The following OPA1 variants were observed in gnomAD, a reference collection of about 807,000 sequenced individuals.
OPA1 encodes OPA1 mitochondrial dynamin like GTPase.
In OPA1, 59 loss-of-function variants were observed where a neutral mutation model predicts 152.9. That is an observed-to-expected ratio of 0.39 (90% confidence interval 0.31 to 0.48). The LOEUF (loss-of-function observed/expected upper bound fraction) is 0.48. Among genes scored for constraint, OPA1 ranks in the 20% least tolerant of loss-of-function variants. OPA1 has a pLI of 0.96. For synonymous variants in OPA1, 400 were observed against 389.9 expected (o/e 1.03, Z -0.31); for missense variants, 1,008 against 1,216.8 (o/e 0.83, Z 2.55).
At chr3:193,648,010 T>C (rs1211300260) in intron 19 of OPA1, 60 bp from the exon 20 acceptor site, 1 of 1,221,564 alleles carries the variant, frequency 8.2e-7, no homozygotes, top group Non-Finnish European at 1.2e-6. Context: ...TTAACCACTT[T>C]AACCACTACA....
intron 20 of OPA1, 87 bp downstream of exon 20, chr3:193,648,221 A>G (rs775920329): frequency 1.2e-4 from 125 of 1,007,276 alleles, no homozygotes; most frequent in Non-Finnish European, 1.5e-4. Flanking sequence ...AAAATCTGAT[A>G]AGCTAAAGTA....
rs550957067 is a variant in OPA1 at position 193,638,791 on chromosome 3, C to T, written c.1149+726C>T. Among the ~76,000 whole-genome samples the T allele has an allele frequency of 6.6e-5, 10 of 152,182 alleles. No homozygotes were observed. The South Asian group carries it at 1.5e-3, about 22-fold the overall frequency. Reference sequence around the variant, plus strand: ...TACTATATTTTGTAAATGGACGTACCGCTACTAAAAACAGAATGCTTGAAA... The same window carrying T: ...TACTATATTTTGTAAATGGACGTACTGCTACTAAAAACAGAATGCTTGAAA... On this transcript the variant is annotated intron_variant, in intron 11 of 30. Coordinates refer to ENST00000361510, the MANE Select transcript of OPA1 (RefSeq NM_130837.3).
At chr3:193,601,021 A>G (rs1726375326) in intron 1 of OPA1, among the ~76,000 whole-genome samples, 1 of 152,184 alleles carries the variant, frequency 6.6e-6, no homozygotes, top group Admixed American at 6.5e-5. Flanking sequence ...GCTTGAGCAA[A>G]AAGAAGATCT....
chr3:193,665,272 A>G (rs113034867), intron 27 of OPA1, among the ~76,000 whole-genome samples: 2 of 151,396 alleles, frequency 1.3e-5, no homozygotes, highest in East Asian at 3.9e-4. Context: ...AAATAAATAA[A>G]TAACAGGAAA....
intron 1 of OPA1, among the ~76,000 whole-genome samples, chr3:193,602,611 A>G (rs1299210167): frequency 6.6e-6 from 1 of 152,228 alleles, no homozygotes; most frequent in African/African-American, 2.4e-5. Context: ...TCTGATTGCC[A>G]TTAAAACCAA....
rs1399946720 is a variant in OPA1 at position 193,645,772 on chromosome 3, G to A, written c.1726G>A (p.Glu576Lys). The A allele has an allele frequency of 1.2e-6, 2 of 1,613,302 alleles. No individual in the cohort carries two copies. Among genetic ancestry groups the A allele is most frequent in the Admixed American group, 1.7e-5 (1 of 59,996 alleles). ...TGAAGCTATAAGAGAATATGAAGAA[G>A]AGTTTTTTCAGAATTCAAAGCTCCT... ...SIEAIREYEEEFFQNSKLLKT... is the reference protein window; with the variant it reads ...SIEAIREYEEKFFQNSKLLKT... Residue 576 changes from glutamate to lysine, a missense_variant, in exon 18 of 31, where the codon GAG becomes AAG. Transcript: ENST00000361510.
chr3:193,676,286 G>C (rs1023988541), intron 29 of OPA1, among the ~76,000 whole-genome samples: 1 of 151,964 alleles, frequency 6.6e-6, no homozygotes, highest in Non-Finnish European at 1.5e-5. Flanking sequence ...TTGTTTTATG[G>C]TAGCAATACT....
chr3:193,593,410 G>A lies in OPA1; in HGVS notation c.32+1G>A. The A allele has an allele frequency of 6.5e-7, 1 of 1,547,522 alleles. No homozygotes were observed. Among genetic ancestry groups the A allele is most frequent in the Non-Finnish European group, 8.7e-7 (1 of 1,144,858 alleles). On this transcript the variant is annotated splice_donor_variant, in intron 1 of 30. Transcript: ENST00000361510. LOFTEE classifies it high-confidence loss of function. ...GACTACGTCGGGCCGCTGTGGCCTG[G>A]TAAGTGCAGGCTCTAATCTGGCCCC...
intron 29 of OPA1, among the ~76,000 whole-genome samples, chr3:193,676,238 A>AT (rs11425981): frequency 0.47 from 71,283 of 151,580 alleles, 17,168 homozygotes; most frequent in African/African-American, 0.55. Context: ...AGAAAAATTG[A>AT]TTTTTTTTTC....
chr3:193,690,976 G>A (rs939308990), intron 29 of OPA1, among the ~76,000 whole-genome samples: 6 of 152,196 alleles, frequency 3.9e-5, no homozygotes, highest in African/African-American at 1.4e-4. Flanking sequence ...GACTTTGGGA[G>A]GCCAAGGCAG....
intron 29 of OPA1, among the ~76,000 whole-genome samples, chr3:193,685,336 CT>C (rs1171536929): frequency 6.6e-6 from 1 of 151,820 alleles, no homozygotes; most frequent in Non-Finnish European, 1.5e-5. Flanking sequence ...CAACAAATTG[CT>C]GTGGAGTTTT....
At chr3:193,667,344 T>C (rs1716808860) in intron 29 of OPA1, 64 bp downstream of exon 29, 1 of 859,210 alleles carries the variant, frequency 1.2e-6, no homozygotes, top group Non-Finnish European at 2.0e-6. Context: ...CATTTGTTTG[T>C]TGATCCATTT....
At chr3:193,640,312 C>T (rs1033783363) in intron 11 of OPA1, among the ~76,000 whole-genome samples, 3 of 152,026 alleles carry the variant, frequency 2.0e-5, no homozygotes, top group African/African-American at 7.3e-5. Flanking sequence ...TGTGTGAAGG[C>T]CCAACCAGTA....
rs761336580 is a variant in OPA1 at position 193,615,751 on chromosome 3, T to C, written c.429T>C (p.Ile143=). The C allele has an allele frequency of 3.4e-5, 55 of 1,606,364 alleles. 2 individuals are homozygous for C. In the South Asian group the frequency reaches 5.8e-4, roughly 17 times the overall value. The stretch of plus-strand genomic sequence containing the variant: ...TTGTGCCTGACATTGTGTGGGAAAT[T>C]GATGAGTATATCGATTTTGGTTTGT... ...KWIVPDIVWE[I]DEYIDFEKIR... Residue 143 remains isoleucine, a synonymous_variant, in exon 3 of 31, where the codon ATT becomes ATC. Coordinates refer to ENST00000361510, the MANE Select transcript of OPA1 (RefSeq NM_130837.3).
chr3:193,632,984 A>G (rs1261611264), intron 8 of OPA1, among the ~76,000 whole-genome samples: 1 of 152,164 alleles, frequency 6.6e-6, no homozygotes, highest in Non-Finnish European at 1.5e-5. Flanking sequence ...TGGATTTCAG[A>G]TTTTTGAATT....
At chr3:193,688,996 C>T (rs902490150) in intron 29 of OPA1, 10 of 152,208 alleles carry the variant, frequency 6.6e-5, no homozygotes, top group South Asian at 2.1e-4. Flanking sequence ...AAACAAACAT[C>T]GTAGCAGATG....
chr3:193,673,403 A>T (rs1184813094), intron 29 of OPA1, among the ~76,000 whole-genome samples: 1 of 152,236 alleles, frequency 6.6e-6, no homozygotes, highest in Non-Finnish European at 1.5e-5. Context: ...ATCTGAGTAA[A>T]TGAACAGTAC....
chr3:193,664,891 T>C lies in OPA1; in HGVS notation c.2673T>C (p.Thr891=). 1 of 1,564,352 alleles carries C rather than the reference T, an allele frequency of 6.4e-7. No homozygotes were observed. The highest frequency in any genetic ancestry group is 2.2e-5 in the East Asian group (1 of 44,478). ...VEVDPSLIKD[T]WHQVYRRHFL... is the part of the protein sequence containing the mutation. ...TTTTCTCATTTTAGATTAAGGATAC[T>C]TGGCATCAAGTTTATAGAAGACATT... The change falls in exon 27 of 31, where the codon ACT becomes ACC. Residue 891 remains threonine, a synonymous_variant. Transcript: ENST00000361510.
intron 1 of OPA1, among the ~76,000 whole-genome samples, chr3:193,607,783 TCC>T (rs1049625807): frequency 4.5e-4 from 69 of 152,310 alleles, no homozygotes; most frequent in Admixed American, 2.0e-4. Flanking sequence ...AGTAGTTTTT[TCC>T]AATTCTGTGA....
Sources: gnomAD v4.1 joint callset for allele counts (sites outside exome capture counted in the v4.1 genomes callset) on GRCh38, gnomAD v4.1.1 for gene constraint, MANE v1.5 for transcripts, NCBI Gene and HGNC (gene_info 2026-07-23, HGNC 2026-07-21) for gene names.